The following GPC5 variants were observed in gnomAD, a reference collection of about 807,000 sequenced individuals.
GPC5 encodes the protein glypican-5.
Under a neutral mutation model 53.9 loss-of-function variants are expected in GPC5, and 47 were observed. The ratio of observed to expected loss-of-function variants is 0.87; its 90% CI spans 0.69 to 1.11. The LOEUF (loss-of-function observed/expected upper bound fraction) is 1.11, where lower values mean the gene tolerates loss of function less well. Ranked by LOEUF, GPC5 falls within the 50% of genes most tolerant of loss-of-function variation. The probability of loss-of-function intolerance (pLI) is 0.00; values close to 1 mark genes in which losing one functional copy is unlikely to be tolerated. For missense variants in GPC5, 748 were observed against 713.1 expected (o/e 1.05, Z -0.56); for synonymous variants, 286 against 263.3 (o/e 1.09, Z -0.84).
chr13:92,187,650 G>T (rs2042193698), intron 7 of GPC5, among the ~76,000 whole-genome samples: 1 of 152,196 alleles, frequency 6.6e-6, no homozygotes, highest in Non-Finnish European at 1.5e-5. Context: ...AATCTAGAAA[G>T]AAGCTGGGCT....
intron 3 of GPC5, 42 bp from the exon 4 acceptor site, chr13:91,728,490 A>G: frequency 1.9e-6 from 3 of 1,583,514 alleles, no homozygotes; most frequent in Non-Finnish European, 2.6e-6. Context: ...AGAAAGGTGG[A>G]GTACGATTTC....
intron 3 of GPC5, among the ~76,000 whole-genome samples, chr13:91,718,480 A>C (rs1039301041): frequency 6.6e-6 from 1 of 152,058 alleles, no homozygotes; most frequent in African/African-American, 2.4e-5. Context: ...TCACAACCTC[A>C]GTATTGATAT....
intron 2 of GPC5, among the ~76,000 whole-genome samples, chr13:91,511,867 ATGG>A (rs1363138083): frequency 6.6e-6 from 1 of 152,112 alleles, no homozygotes; most frequent in Non-Finnish European, 1.5e-5. Flanking sequence ...TACTTGGATG[ATGG>A]TGGGCCTTTT....
chr13:92,551,299 GA>G (rs1392969548), intron 7 of GPC5, among the ~76,000 whole-genome samples: 151 of 113,110 alleles, frequency 1.3e-3, no homozygotes, highest in African/African-American at 3.5e-3. Context: ...CAGCCAAAAA[GA>G]AAAAAAAAAA....
At chr13:91,628,649 T>A (rs1206399759) in intron 2 of GPC5, among the ~76,000 whole-genome samples, 1 of 152,204 alleles carries the variant, frequency 6.6e-6, no homozygotes, top group African/African-American at 2.4e-5. Context: ...CTCTACCTCT[T>A]TGCAGTTTTA....
chr13:92,235,400 A>C (rs1449598476), intron 7 of GPC5, among the ~76,000 whole-genome samples: 1 of 152,112 alleles, frequency 6.6e-6, no homozygotes, highest in Non-Finnish European at 1.5e-5. Context: ...TATTAAATAC[A>C]ATTTTGTTTA....
intron 5 of GPC5, among the ~76,000 whole-genome samples, chr13:91,876,661 A>G (rs1472724919): frequency 4.6e-5 from 7 of 152,202 alleles, no homozygotes; most frequent in Non-Finnish European, 7.4e-5. Context: ...GGGAAGCAGA[A>G]CATAAATGTT....
In GPC5 at chr13:92,352,874, G is replaced by A. The variant is rs150543994; in HGVS notation, c.1561+207885G>A. 1.3e-3 allele frequency among the ~76,000 whole-genome samples: 198 copies of A among 152,280 alleles called. 2 individuals are homozygous for A. The highest frequency in any genetic ancestry group is 4.5e-3 in the African/African-American group (186 of 41,568). On this transcript the variant is annotated intron_variant, in intron 7 of 7. Transcript: ENST00000377067. ...ATATCCAAGAGCAACACCTGCCCAT[G>A]TACACCTGTTTGCAAAATAAGAGTG...
intron 1 of GPC5, among the ~76,000 whole-genome samples, chr13:91,419,242 T>C (rs976734103): frequency 1.3e-5 from 2 of 152,156 alleles, no homozygotes; most frequent in African/African-American, 4.8e-5. Context: ...TTGATATTAG[T>C]TTAAATGAAT....
intron 2 of GPC5, among the ~76,000 whole-genome samples, chr13:91,637,181 T>A (rs1029670956): frequency 3.9e-5 from 6 of 152,176 alleles, no homozygotes; most frequent in Non-Finnish European, 7.3e-5. Context: ...ATAGGAAACC[T>A]TCTTACCTAT....
At chr13:92,801,624 C>T (rs1346620649) in intron 7 of GPC5, among the ~76,000 whole-genome samples, 1 of 151,568 alleles carries the variant, frequency 6.6e-6, no homozygotes, top group Non-Finnish European at 1.5e-5. Context: ...TGACAGCTTC[C>T]TGTATGTTCT....
At chr13:92,652,110 T>G (rs1294259953) in intron 7 of GPC5, among the ~76,000 whole-genome samples, 1 of 152,168 alleles carries the variant, frequency 6.6e-6, no homozygotes, top group Non-Finnish European at 1.5e-5. Context: ...GGGGTAAATG[T>G]GGGCATAGGG....
chr13:92,777,586 T>C (rs1875865269), intron 7 of GPC5, among the ~76,000 whole-genome samples: 1 of 152,124 alleles, frequency 6.6e-6, no homozygotes, highest in African/African-American at 2.4e-5. Flanking sequence ...ACCACTGCAC[T>C]CCAGCCTGGC....
At chr13:91,749,879 C>G (rs1240287685) in intron 4 of GPC5, among the ~76,000 whole-genome samples, 1 of 152,204 alleles carries the variant, frequency 6.6e-6, no homozygotes, top group Non-Finnish European at 1.5e-5. Flanking sequence ...GGCACAGTCT[C>G]AGCTCACTAC....
chr13:92,498,363 G>T (rs974493684), intron 7 of GPC5, among the ~76,000 whole-genome samples: 1 of 152,036 alleles, frequency 6.6e-6, no homozygotes, highest in Admixed American at 6.5e-5. Context: ...CTCACTTGAG[G>T]CATTTTTCCC....
chr13:92,856,006 C>A (rs531684998), intron 7 of GPC5, among the ~76,000 whole-genome samples: 1 of 152,140 alleles, frequency 6.6e-6, no homozygotes, highest in East Asian at 1.9e-4. Flanking sequence ...CTAACTCATT[C>A]TATGAAGCCA....
At chr13:92,348,088 G>T (rs1438630498) in intron 7 of GPC5, among the ~76,000 whole-genome samples, 7 of 139,610 alleles carry the variant, frequency 5.0e-5, no homozygotes, top group Middle Eastern at 3.7e-3. Context: ...AAAACAACCA[G>T]AAAACAATTA....
At chr13:92,695,932 A>G (rs1023475116) in intron 7 of GPC5, among the ~76,000 whole-genome samples, 2 of 151,916 alleles carry the variant, frequency 1.3e-5, no homozygotes, top group Non-Finnish European at 2.9e-5. Flanking sequence ...ACTACCTATG[A>G]GTGAGAACAT....
intron 6 of GPC5, among the ~76,000 whole-genome samples, chr13:91,992,511 G>A (rs1187199830): frequency 1.3e-5 from 2 of 149,504 alleles, no homozygotes; most frequent in South Asian, 4.2e-4. Flanking sequence ...AGGTTGGAGT[G>A]CAGTGGCGCG....
Sources: allele counts gnomAD v4.1 joint callset (sites outside exome capture counted in the v4.1 genomes callset), GRCh38; gene constraint gnomAD v4.1.1; transcripts MANE v1.5; gene names NCBI Gene and HGNC (gene_info 2026-07-23, HGNC 2026-07-21).